The following SLC7A6 variants were observed in gnomAD, a reference collection of about 807,000 sequenced individuals.
The protein encoded by SLC7A6 is solute carrier family 7 member 6, also known as Y+L amino acid transporter 2.
In SLC7A6, 29 loss-of-function variants were observed where a neutral mutation model predicts 46.6. The ratio of observed to expected loss-of-function variants is 0.62; its 90% CI spans 0.46 to 0.85. The LOEUF is 0.85. Ranked by LOEUF, SLC7A6 falls within the 40% of genes least tolerant of loss-of-function variation. The pLI is 0.00. For missense variants in SLC7A6, 527 were observed against 647.6 expected, an observed-to-expected ratio of 0.81 and a Z score of 2.02; for synonymous variants, 276 against 257.3, an observed-to-expected ratio of 1.07 and a Z score of -0.70.
At chr16:68,294,472 G>A (rs1373110524) in intron 7 of SLC7A6, among the ~76,000 whole-genome samples, 3 of 152,076 alleles carry the variant, frequency 2.0e-5, no homozygotes, top group African/African-American at 4.8e-5. Flanking sequence ...GTGATGGTGG[G>A]TGGGGCATCT....
At chr16:68,296,534 T>C (rs1367716289) in intron 9 of SLC7A6, 21 bp downstream of exon 9, 1 of 1,614,014 alleles carries the variant, frequency 6.2e-7, no homozygotes, top group Non-Finnish European at 8.5e-7. Flanking sequence ...CTGGCCAGAC[T>C]AGGAGGGGTG....
intron 3 of SLC7A6, among the ~76,000 whole-genome samples, chr16:68,277,512 C>G (rs1374617098): frequency 6.6e-6 from 1 of 151,726 alleles, no homozygotes; most frequent in Non-Finnish European, 1.5e-5. Flanking sequence ...GGGGTTTCAC[C>G]GTGTTAGCCA....
chr16:68,271,134 C>T (rs567532331), intron 2 of SLC7A6, among the ~76,000 whole-genome samples: 2 of 151,882 alleles, frequency 1.3e-5, no homozygotes, highest in Non-Finnish European at 2.9e-5. Context: ...CAGGTGTGGA[C>T]CACTGTGCCT....
chr16:68,287,914 T>A (rs376403380), intron 4 of SLC7A6, 43 bp downstream of exon 4: 1 of 1,603,604 alleles, frequency 6.2e-7, no homozygotes, highest in African/African-American at 1.3e-5. Flanking sequence ...TTCCTCTGGA[T>A]TCCCTGAGGA....
At position 68,274,719 on chromosome 16, in the gene SLC7A6, C is replaced by T. The variant is rs573707260; in HGVS notation, c.-8C>T. On this transcript the variant is annotated 5_prime_UTR_variant, in exon 3 of 11. Transcript: ENST00000219343. Reference sequence around the variant, plus strand: ...ACAGCAAACACAGGTGTGCAGGAACCGTTTGTCATGGAAGCCAGGGAGCCT... The same window carrying T: ...ACAGCAAACACAGGTGTGCAGGAACTGTTTGTCATGGAAGCCAGGGAGCCT... 3.0e-5 allele frequency: 49 copies of T among 1,613,826 alleles called. No homozygotes were observed. In the Middle Eastern group the frequency reaches 6.6e-4, roughly 22 times the overall value.
chr16:68,300,722 CAG>C lies in SLC7A6; in HGVS notation c.*3397_*3398del. 1 of 985,502 alleles carries C rather than the reference CAG, an allele frequency of 1.0e-6. No homozygotes were observed. The highest frequency in any genetic ancestry group is 1.2e-6 in the Non-Finnish European group (1 of 829,968). The allele number at this position is 985,502 out of a possible 1,614,324, so 61.0% of individuals were successfully genotyped here. On this transcript the variant is annotated 3_prime_UTR_variant, in exon 11 of 11. Transcript: ENST00000219343. ...CAGTCAGTAATTTCACAACCGTTAT[CAG>C]AGTTTGGAAGCAGAAATAGCTGTTA...
At chr16:68,270,267 G>A (rs1338359018) in intron 2 of SLC7A6, among the ~76,000 whole-genome samples, 3 of 152,088 alleles carry the variant, frequency 2.0e-5, no homozygotes, top group East Asian at 3.9e-4. Flanking sequence ...GGGTGCTCCT[G>A]CCCTTTTCCC....
chr16:68,268,601 A>G (rs192133786), intron 2 of SLC7A6, among the ~76,000 whole-genome samples: 3 of 152,360 alleles, frequency 2.0e-5, no homozygotes, highest in African/African-American at 7.2e-5. Flanking sequence ...ATTTATTCCA[A>G]AAATTGCTTG....
intron 2 of SLC7A6, among the ~76,000 whole-genome samples, chr16:68,273,335 G>A (rs1193891216): frequency 1.3e-5 from 2 of 152,140 alleles, no homozygotes; most frequent in African/African-American, 4.8e-5. Flanking sequence ...TGTTCCTATT[G>A]CTGATTCTTG....
intron 5 of SLC7A6, 112 bp downstream of exon 5, chr16:68,290,652 C>A: frequency 8.0e-7 from 1 of 1,254,076 alleles, no homozygotes; most frequent in Non-Finnish European, 1.1e-6. Flanking sequence ...CCCCTCTTCT[C>A]CCTACTCCCC....
At chr16:68,287,570 G>A (rs781602311) in intron 3 of SLC7A6, 176 bp from the exon 4 acceptor site, 3 of 1,465,352 alleles carry the variant, frequency 2.0e-6, no homozygotes, top group Non-Finnish European at 1.8e-6. Context: ...CCTGTGTGCT[G>A]TCAGCTGGGG....
Position 68,274,773 on chromosome 16 carries a change from T to A in SLC7A6, c.47T>A (p.Val16Asp). ...AGGCCCACACCCACCTACCATCTTG[T>A]CCCTAACACCAGCCAGTCCCAGGTG... Reference protein sequence around the residue: ...PGRPTPTYHLVPNTSQSQVEE... With the variant: ...PGRPTPTYHLDPNTSQSQVEE... The change falls in exon 3 of 11, where the codon GTC becomes GAC. Residue 16 changes from valine (V) to aspartate (D), a missense_variant. Val to Asp is a radical substitution (Grantham distance 152). Coordinates refer to ENST00000219343, the MANE Select transcript of SLC7A6 (RefSeq NM_003983.6). The A allele has an allele frequency of 6.2e-7, 1 of 1,614,168 alleles. No homozygotes were observed. Among genetic ancestry groups the A allele is most frequent in the Non-Finnish European group, 8.5e-7 (1 of 1,180,022 alleles).
intron 7 of SLC7A6, among the ~76,000 whole-genome samples, chr16:68,293,861 C>T (rs1315391618): frequency 1.3e-5 from 2 of 152,198 alleles, no homozygotes; most frequent in Non-Finnish European, 2.9e-5. Flanking sequence ...CAAGGTGATG[C>T]TGACCATGCT....
At chr16:68,269,300 C>T (rs2042585526) in intron 2 of SLC7A6, among the ~76,000 whole-genome samples, 1 of 152,056 alleles carries the variant, frequency 6.6e-6, no homozygotes, top group Non-Finnish European at 1.5e-5. Context: ...GGTTGTTTTT[C>T]TTGCTTTTTT....
chr16:68,288,967 CAAAA>C (rs753001951), intron 4 of SLC7A6, among the ~76,000 whole-genome samples: 1 of 76,168 alleles, frequency 1.3e-5, no homozygotes, highest in African/African-American at 5.1e-5. Context: ...GATTCCATCT[CAAAA>C]AAAAAAAAAA....
intron 7 of SLC7A6, chr16:68,291,970 T>G: frequency 3.2e-6 from 1 of 310,408 alleles, no homozygotes; most frequent in Non-Finnish European, 6.0e-6. Context: ...TAGCTCATGT[T>G]TATGTGCTGG....
At chr16:68,269,920 A>G (rs778413692) in intron 2 of SLC7A6, among the ~76,000 whole-genome samples, 1 of 152,078 alleles carries the variant, frequency 6.6e-6, no homozygotes, top group Admixed American at 6.6e-5. Flanking sequence ...GGCGTGTGCC[A>G]TCATGCCTGG....
At position 68,296,799 on chromosome 16, in the gene SLC7A6, G is replaced by A. The variant is rs367554027; in HGVS notation, c.1442G>A (p.Arg481Gln). Reference protein sequence around the residue: ...LPESRRPLFIRNVLAAITRGT... With the variant: ...LPESRRPLFIQNVLAAITRGT... ...GAGTCCCGGAGGCCATTGTTTATTC[G>A]GAATGTCCTGGGTGAGCTTCTCTGT... The change falls in exon 10 of 11, where the codon CGG becomes CAG. Residue 481 changes from arginine (R) to glutamine (Q), a missense_variant. Arg to Gln is a conservative substitution (Grantham distance 43). Transcript: ENST00000219343. 4.5e-5 allele frequency: 73 copies of A among 1,613,872 alleles called. No individual in the cohort carries two copies. The highest frequency in any genetic ancestry group is 5.8e-5 in the Non-Finnish European group (68 of 1,180,006).
intron 2 of SLC7A6, among the ~76,000 whole-genome samples, chr16:68,273,503 G>A (rs2042656570): frequency 6.6e-6 from 1 of 152,130 alleles, no homozygotes; most frequent in Non-Finnish European, 1.5e-5. Context: ...TGCAGGGTCA[G>A]GAAGGTGCTT....
Sources: gnomAD v4.1 joint callset for allele counts (sites outside exome capture counted in the v4.1 genomes callset) on GRCh38, gnomAD v4.1.1 for gene constraint, MANE v1.5 for transcripts, NCBI Gene and HGNC (gene_info 2026-07-23, HGNC 2026-07-21) for gene names.